KLF12: variants seen among roughly 807,000 people sequenced by gnomAD.
The protein encoded by KLF12 is Krueppel-like factor 12.
KLF12 carries 9 observed loss-of-function variants against 37.8 expected under a neutral mutation model. The ratio of observed to expected loss-of-function variants is 0.24; its 90% CI spans 0.14 to 0.42. The LOEUF is 0.42. Among genes scored for constraint, KLF12 ranks in the 10% least tolerant of loss-of-function variants. The pLI, the probability that KLF12 is intolerant of heterozygous loss-of-function variation, is 1.00. For missense variants in KLF12, 411 were observed against 516.0 expected, an observed-to-expected ratio of 0.80 and a Z score of 1.97; for synonymous variants, 208 against 202.1, an observed-to-expected ratio of 1.03 and a Z score of -0.25.
intron 3 of KLF12, among the ~76,000 whole-genome samples, chr13:73,908,956 T>G (rs970908200): frequency 1.3e-5 from 2 of 152,154 alleles, no homozygotes; most frequent in African/African-American, 4.8e-5. Context: ...AACAAATCAA[T>G]GAATGACAAC....
At chr13:73,850,180 A>G (rs1416702701) in intron 3 of KLF12, among the ~76,000 whole-genome samples, 1 of 152,178 alleles carries the variant, frequency 6.6e-6, no homozygotes, top group Non-Finnish European at 1.5e-5. Context: ...ATGCTGTCAC[A>G]TTGTCTTTTC....
intron 6 of KLF12, among the ~76,000 whole-genome samples, chr13:73,739,237 T>TTAATAATAATAA (rs138002893): frequency 7.0e-4 from 101 of 143,604 alleles, no homozygotes; most frequent in African/African-American, 1.8e-3. Flanking sequence ...CTGTCTCAAA[T>TTAATAATAATAA]TAATAATAAT....
intron 7 of KLF12, among the ~76,000 whole-genome samples, chr13:73,704,980 T>C (rs1874829933): frequency 6.6e-6 from 1 of 152,228 alleles, no homozygotes; most frequent in Non-Finnish European, 1.5e-5. Flanking sequence ...GAGTACACTG[T>C]TTACATTCTA....
intron 1 of KLF12, among the ~76,000 whole-genome samples, chr13:74,028,086 C>T (rs1369265498): frequency 6.6e-6 from 1 of 152,160 alleles, no homozygotes; most frequent in African/African-American, 2.4e-5. Context: ...TATAGGTTGC[C>T]TCTGGCAATA....
At chr13:73,718,779 A>C (rs1290389231) in intron 6 of KLF12, among the ~76,000 whole-genome samples, 1 of 152,196 alleles carries the variant, frequency 6.6e-6, no homozygotes. Flanking sequence ...CTGTAGTCCC[A>C]GCTACTTGGG....
chr13:74,112,866 G>T (rs1877063736), intron 1 of KLF12, among the ~76,000 whole-genome samples: 1 of 152,186 alleles, frequency 6.6e-6, no homozygotes, highest in Admixed American at 6.5e-5. Context: ...CAGACCGAAA[G>T]CCAGGCCTCT....
At chr13:73,994,596 C>G (rs1352342164) in intron 2 of KLF12, among the ~76,000 whole-genome samples, 1 of 152,030 alleles carries the variant, frequency 6.6e-6, no homozygotes, top group Non-Finnish European at 1.5e-5. Flanking sequence ...TGACAGCAAT[C>G]ATGCACCATA....
At chr13:73,883,493 A>ATC (rs1349716603) in intron 3 of KLF12, among the ~76,000 whole-genome samples, 1 of 152,190 alleles carries the variant, frequency 6.6e-6, no homozygotes, top group Non-Finnish European at 1.5e-5. Context: ...TGTGACAGGG[A>ATC]AGAACCCCCT....
chr13:74,053,416 C>T (rs1343456326), intron 1 of KLF12, among the ~76,000 whole-genome samples: 1 of 152,040 alleles, frequency 6.6e-6, no homozygotes, highest in Non-Finnish European at 1.5e-5. Flanking sequence ...GATCATGTGT[C>T]AGGCACTGTC....
intron 1 of KLF12, among the ~76,000 whole-genome samples, chr13:74,010,457 T>G (rs568358303): frequency 6.6e-6 from 1 of 152,292 alleles, no homozygotes; most frequent in African/African-American, 2.4e-5. Context: ...TGCTACACCC[T>G]ACATTCAACA....
intron 4 of KLF12, among the ~76,000 whole-genome samples, chr13:73,824,583 A>AT (rs1402459024): frequency 9.2e-5 from 14 of 151,938 alleles, no homozygotes; most frequent in Non-Finnish European, 1.5e-4. Flanking sequence ...GTATTACTGT[A>AT]TTTTTTTTCC....
intron 3 of KLF12, among the ~76,000 whole-genome samples, chr13:73,867,565 A>G (rs891537678): frequency 6.6e-6 from 1 of 151,728 alleles, no homozygotes; most frequent in African/African-American, 2.4e-5. Flanking sequence ...TCAGTAACAG[A>G]TAGACAAAGA....
At chr13:74,063,721 A>G (rs1156480828) in intron 1 of KLF12, among the ~76,000 whole-genome samples, 1 of 152,208 alleles carries the variant, frequency 6.6e-6, no homozygotes, top group African/African-American at 2.4e-5. Flanking sequence ...TTTACAGTAT[A>G]AGGTACTCAT....
intron 6 of KLF12, among the ~76,000 whole-genome samples, chr13:73,746,042 T>C (rs1878340872): frequency 1.4e-5 from 2 of 147,790 alleles, no homozygotes; most frequent in Admixed American, 6.8e-5. Flanking sequence ...GGCACCTGGC[T>C]GGTAAAGATC....
the KLF12 span, among the ~76,000 whole-genome samples, chr13:74,227,452 A>C: frequency 6.6e-6 from 1 of 152,144 alleles, no homozygotes; most frequent in Non-Finnish European, 1.5e-5. Flanking sequence ...AATAGTAGAT[A>C]AATTTTCTAC....
At position 73,953,603 on chromosome 13, in the gene KLF12, CTATTAAG is replaced by C. The variant is rs1890719167; in HGVS notation, c.34-9540_34-9534del. 2.6e-5 allele frequency among the ~76,000 whole-genome samples: 4 copies of C among 152,194 alleles called. No individual in the cohort carries two copies. In the South Asian group the frequency reaches 6.2e-4, roughly 24 times the overall value. ...TTGTGTCAAGAGAAAATGAAGATTA[CTATTAAG>C]TATTAAGTCATATATTTTCTGTGGG... On this transcript the variant is annotated intron_variant, in intron 2 of 7. Coordinates refer to ENST00000377669, the MANE Select transcript of KLF12 (RefSeq NM_007249.5).
At chr13:73,776,920 A>C (rs1241703711) in intron 5 of KLF12, among the ~76,000 whole-genome samples, 1 of 152,198 alleles carries the variant, frequency 6.6e-6, no homozygotes, top group Non-Finnish European at 1.5e-5. Context: ...AGAAAAACTA[A>C]GACATAGCCT....
chr13:73,885,619 G>A (rs1887183957), intron 3 of KLF12, among the ~76,000 whole-genome samples: 1 of 152,208 alleles, frequency 6.6e-6, no homozygotes, highest in African/African-American at 2.4e-5. Flanking sequence ...TGAAATAAGA[G>A]AGGAAGGATC....
At chr13:73,926,113 G>A (rs1183230356) in intron 3 of KLF12, among the ~76,000 whole-genome samples, 1 of 152,220 alleles carries the variant, frequency 6.6e-6, no homozygotes, top group African/African-American at 2.4e-5. Flanking sequence ...CAGAGGCAGG[G>A]TTTGAGAGGA....
Sources: gnomAD v4.1 joint callset for allele counts (sites outside exome capture counted in the v4.1 genomes callset) on GRCh38, gnomAD v4.1.1 for gene constraint, MANE v1.5 for transcripts, NCBI Gene and HGNC (gene_info 2026-07-23, HGNC 2026-07-21) for gene names.